The following KITLG variants were observed in gnomAD, a reference collection of about 807,000 sequenced individuals.
KITLG encodes the protein c-Kit ligand.
In KITLG, 13 loss-of-function variants were observed where a neutral mutation model predicts 34.1. That is an observed-to-expected ratio of 0.38 (90% CI 0.25 to 0.61). KITLG has a LOEUF of 0.61. Ranked by LOEUF, KITLG falls within the 20% of genes least tolerant of loss-of-function variation. The pLI, the probability that KITLG is intolerant of heterozygous loss-of-function variation, is 0.60. For missense variants in KITLG, 292 were observed against 318.9 expected (o/e 0.92, Z 0.64); for synonymous variants, 110 against 104.0 (o/e 1.06, Z -0.35).
At chr12:88,507,205 G>A in intron 6 of KITLG, 68 bp from the exon 7 acceptor site, 1 of 996,936 alleles carries the variant, frequency 1.0e-6, no homozygotes, top group Middle Eastern at 2.0e-4. Flanking sequence ...TTATGCTGTG[G>A]TTGTTTTTAA....
In KITLG at chr12:88,536,961, A is replaced by G. The variant is rs150426354; in HGVS notation, c.130-4458T>C. ...AACAAACTGCACGTTCTGCACTTGT[A>G]CCCCAGAACTTAAAGTATAATTTAA... is the stretch of plus-strand genomic sequence containing the variant. On this transcript the variant is annotated intron_variant, in intron 2 of 9. Transcript: ENST00000644744. Among the ~76,000 whole-genome samples the G allele has an allele frequency of 3.3e-3, 505 of 152,260 alleles. 3 individuals are homozygous for G. Among genetic ancestry groups the G allele is most frequent in the South Asian group, 0.011 (55 of 4,818 alleles).
chr12:88,506,492 T>C (rs1869066601), intron 7 of KITLG, 114 bp from the exon 8 acceptor site: 1 of 789,794 alleles, frequency 1.3e-6, no homozygotes, highest in Admixed American at 1.8e-5. Context: ...TAACAGTTTT[T>C]TCAGCATGTA....
intron 6 of KITLG, among the ~76,000 whole-genome samples, chr12:88,508,114 G>A (rs1339935164): frequency 6.6e-6 from 1 of 151,948 alleles, no homozygotes; most frequent in Non-Finnish European, 1.5e-5. Context: ...ATGAACCCGG[G>A]AGGCGGAAGT....
intron 3 of KITLG, among the ~76,000 whole-genome samples, chr12:88,529,542 T>G (rs1592848359): frequency 6.6e-6 from 1 of 152,320 alleles, no homozygotes; most frequent in Non-Finnish European, 1.5e-5. Context: ...AATTTAGCTG[T>G]TTTTTAAAAT....
intron 2 of KITLG, among the ~76,000 whole-genome samples, chr12:88,542,372 C>T (rs141279068): frequency 4.6e-5 from 7 of 152,016 alleles, no homozygotes; most frequent in African/African-American, 1.7e-4. Context: ...CCATGTTCCT[C>T]ATTTGAAAAA....
At chr12:88,576,650 A>G (rs1351746750) in intron 1 of KITLG, among the ~76,000 whole-genome samples, 6 of 152,212 alleles carry the variant, frequency 3.9e-5, no homozygotes, top group Non-Finnish European at 5.9e-5. Context: ...TCTCATGAGT[A>G]GTAAAACAGG....
intron 1 of KITLG, among the ~76,000 whole-genome samples, chr12:88,577,637 C>T (rs1259780505): frequency 1.3e-5 from 1 of 74,298 alleles, no homozygotes; most frequent in Non-Finnish European, 4.4e-5. Flanking sequence ...AAAATAAAAT[C>T]AAACAGAAAT....
chr12:88,549,694 A>G (rs2120922500), intron 1 of KITLG, among the ~76,000 whole-genome samples: 1 of 152,336 alleles, frequency 6.6e-6, no homozygotes, highest in African/African-American at 2.4e-5. Flanking sequence ...CAAGATATTT[A>G]AATCTGGACT....
In KITLG at chr12:88,578,483, T is replaced by C. The variant is rs527453339; in HGVS notation, c.15+1781A>G. 3.3e-5 allele frequency among the ~76,000 whole-genome samples: 5 copies of C among 152,344 alleles called. No homozygotes were observed. The South Asian group carries it at 8.3e-4, about 25-fold the overall frequency. Reference sequence around the variant, plus strand: ...TGAGTCACTAATGCCACAGTCACAATGTTTCAGACTAGATTGACCTCTTTC... The same window carrying C: ...TGAGTCACTAATGCCACAGTCACAACGTTTCAGACTAGATTGACCTCTTTC... On this transcript the variant is annotated intron_variant, in intron 1 of 9. Coordinates refer to ENST00000644744, the MANE Select transcript of KITLG (RefSeq NM_000899.5).
intron 1 of KITLG, among the ~76,000 whole-genome samples, chr12:88,579,267 C>T (rs1177225060): frequency 2.0e-5 from 3 of 152,206 alleles, no homozygotes; most frequent in African/African-American, 4.8e-5. Flanking sequence ...CCCTTCCACA[C>T]ATTTCAGGAA....
intron 1 of KITLG, among the ~76,000 whole-genome samples, chr12:88,547,634 C>CT (rs1400276675): frequency 6.6e-6 from 1 of 152,146 alleles, no homozygotes; most frequent in Non-Finnish European, 1.5e-5. Flanking sequence ...CGTAACCTCC[C>CT]TGGAAATATA....
At chr12:88,521,870 T>A (rs1244192170) in intron 3 of KITLG, among the ~76,000 whole-genome samples, 1 of 152,180 alleles carries the variant, frequency 6.6e-6, no homozygotes, top group African/African-American at 2.4e-5. Context: ...TAGCTAGGAC[T>A]ACTAAAAACA....
At chr12:88,539,903 T>TGATA (rs1287614112) in intron 2 of KITLG, among the ~76,000 whole-genome samples, 3 of 152,028 alleles carry the variant, frequency 2.0e-5, no homozygotes, top group Non-Finnish European at 4.4e-5. Context: ...CCAGACTGGG[T>TGATA]GATAGACACC....
At chr12:88,530,506 C>A (rs1870045893) in intron 3 of KITLG, among the ~76,000 whole-genome samples, 1 of 152,120 alleles carries the variant, frequency 6.6e-6, no homozygotes, top group Non-Finnish European at 1.5e-5. Context: ...CCCCTGCCTG[C>A]CTTCCCAATT....
chr12:88,505,285 G>T (rs763325447), intron 8 of KITLG, 50 bp from the exon 9 acceptor site: 15 of 1,419,662 alleles, frequency 1.1e-5, no homozygotes, highest in Non-Finnish European at 1.5e-5. Flanking sequence ...CAGAGATTCT[G>T]AGGTACACCA....
intron 9 of KITLG, among the ~76,000 whole-genome samples, chr12:88,500,026 G>A (rs1508597): frequency 2.9e-4 from 44 of 152,192 alleles, no homozygotes; most frequent in African/African-American, 1.1e-3. Context: ...GTGACACAAG[G>A]CATTTAAGCC....
chr12:88,572,994 T>C (rs1871706285), intron 1 of KITLG, among the ~76,000 whole-genome samples: 1 of 152,190 alleles, frequency 6.6e-6, no homozygotes. Context: ...ACAGAGCTTT[T>C]GGTTGTTCAT....
chr12:88,522,250 A>G (rs1041113451), intron 3 of KITLG, among the ~76,000 whole-genome samples: 3 of 152,164 alleles, frequency 2.0e-5, no homozygotes, highest in Non-Finnish European at 4.4e-5. Context: ...TAGTTCCAGA[A>G]CCAGTAAATT....
At chr12:88,511,032 A>C (rs1196278990) in intron 6 of KITLG, among the ~76,000 whole-genome samples, 2 of 152,178 alleles carry the variant, frequency 1.3e-5, no homozygotes, top group Non-Finnish European at 2.9e-5. Flanking sequence ...GACATCACCT[A>C]GCTAAAAGTT....
Sources: allele counts gnomAD v4.1 joint callset (sites outside exome capture counted in the v4.1 genomes callset), GRCh38; gene constraint gnomAD v4.1.1; transcripts MANE v1.5; gene names NCBI Gene and HGNC (gene_info 2026-07-23, HGNC 2026-07-21).